ZNF414: variants seen among roughly 807,000 people sequenced by gnomAD.
ZNF414 encodes the protein zinc finger protein 414.
A neutral mutation model predicts 38.3 loss-of-function variants in ZNF414; 32 were observed. The observed-to-expected ratio is 0.83, with a 90% CI of 0.63 to 1.12. The LOEUF (loss-of-function observed/expected upper bound fraction) is 1.12. Among genes scored for constraint, ZNF414 ranks in the 50% most tolerant of loss-of-function variants. The pLI is 0.00. For synonymous variants in ZNF414, 256 were observed against 248.0 expected, an observed-to-expected ratio of 1.03 and a Z score of -0.30; for missense variants, 589 against 557.4, an observed-to-expected ratio of 1.06 and a Z score of -0.57.
chr19:8,511,976 G>A lies in ZNF414; in HGVS notation c.531-16C>T, dbSNP rs1316331573. ...GTTCTCACACCTGGAGGTGGGCAGA[G>A]GGCTGGGCTGGGCTGGGCCTCCAGG... is the stretch of plus-strand genomic sequence containing the variant. On this transcript the variant is annotated splice_polypyrimidine_tract_variant and intron_variant, in intron 4 of 7. Transcript: ENST00000393927. The A allele has an allele frequency of 2.8e-6, 4 of 1,407,044 alleles. No homozygotes were observed. The highest frequency in any genetic ancestry group is 2.9e-5 in the African/African-American group (2 of 69,096). 87.2% of individuals were successfully genotyped at this position (1,407,044 alleles called of 1,614,324 possible). A position where few individuals can be genotyped will look rare whatever the true frequency, so the allele number is the denominator to read the frequency against.
intron 6 of ZNF414, 151 bp downstream of exon 6, chr19:8,511,335 T>C (rs1971909931): frequency 6.9e-7 from 1 of 1,453,054 alleles, no homozygotes; most frequent in Non-Finnish European, 9.1e-7. Flanking sequence ...GTGCCAGTCA[T>C]TTTTAAGGCA....
Position 8,509,947 on chromosome 19 carries a change from AGTGCTGGGATTACAGGC to A in ZNF414, c.*727_*743del, listed in dbSNP as rs1971891094. On this transcript the variant is annotated 3_prime_UTR_variant, in exon 8 of 8. Coordinates refer to ENST00000393927, the MANE Select transcript of ZNF414 (RefSeq NM_001146175.2). ...TGCTCCACCTGCCCCAGCCTCCCAA[AGTGCTGGGATTACAGGC>A]GTGAGCCACTGTGCCCGGCCGGGAC... The A allele has an allele frequency of 1.3e-5, 2 of 151,784 alleles. No homozygotes were observed. The highest frequency in any genetic ancestry group is 4.8e-5 in the African/African-American group (2 of 41,414). The allele number at this position is 151,784 out of a possible 1,614,324, so 9.4% of individuals were successfully genotyped here. A position where few individuals can be genotyped will look rare whatever the true frequency, so the allele number is the denominator to read the frequency against.
At position 8,512,623 on chromosome 19, in the gene ZNF414, C is replaced by A; in HGVS notation, c.405G>T (p.Pro135=). The change falls in exon 3 of 8, where the codon CCG becomes CCT. Residue 135 remains proline (P), a synonymous_variant. Transcript: ENST00000393927. ...DLAQHLRTHC[P]PTQSLEGKLF... is the part of the protein sequence containing the mutation. ...CCCTACCTTCCAGGGACTGTGTGGG[C>A]GGGCAGTGGGTTCGCAGATGCTGTG... is the stretch of plus-strand genomic sequence containing the variant. 2 of 1,591,426 alleles carry A rather than the reference C, an allele frequency of 1.3e-6. No individual in the cohort carries two copies. The highest frequency in any genetic ancestry group is 1.1e-5 in the South Asian group (1 of 88,308).
In ZNF414 at chr19:8,510,342, A is replaced by G. The variant is rs1334423953; in HGVS notation, c.*349T>C. On this transcript the variant is annotated 3_prime_UTR_variant, in exon 8 of 8. Transcript: ENST00000393927. ...AAAAAAAGAAAACTGGAGAGTCCCC[A>G]TCCCATTTGGTTTCTGGACAAGGGA... 1 of 217,672 alleles carries G rather than the reference A, an allele frequency of 4.6e-6. No individual in the cohort carries two copies. The highest frequency in any genetic ancestry group is 2.3e-5 in the African/African-American group (1 of 42,930). 13.5% of individuals were successfully genotyped at this position (217,672 alleles called of 1,614,324 possible).
chr19:8,513,614 C>T (rs2910444), intron 1 of ZNF414, among the ~76,000 whole-genome samples: 30,733 of 152,016 alleles, frequency 0.2, 3,423 homozygotes, highest in African/African-American at 0.29. Context: ...CTTATGCATA[C>T]GGGAGAAACA....
At chr19:8,513,993 C>T (rs1410544504) in intron 1 of ZNF414, 51 bp downstream of exon 1, 1 of 1,414,254 alleles carries the variant, frequency 7.1e-7, no homozygotes, top group Non-Finnish European at 9.2e-7. Context: ...GGGCCGCTCC[C>T]CGCCAGTCCC....
Position 8,510,742 on chromosome 19 carries a change from CT to C in ZNF414, c.1121del (p.Lys374ArgfsTer77). The C allele has an allele frequency of 3.2e-6, 5 of 1,549,908 alleles. No homozygotes were observed. Among genetic ancestry groups the C allele is most frequent in the Non-Finnish European group, 4.4e-6 (5 of 1,146,052 alleles). ...APADPAPLAP[K>X]VSPLLSEGEL... The stretch of plus-strand genomic sequence containing the variant: ...CCCCCTCTGACAGCAGCGGCGACAC[CT>C]TGGGTGCAAGCGGGGCCGGATCTGG... On this transcript the variant is annotated frameshift_variant, in exon 8 of 8. Transcript: ENST00000393927. LOFTEE classifies it high-confidence loss of function.
intron 4 of ZNF414, 103 bp downstream of exon 4, chr19:8,512,284 A>G (rs1033408532): frequency 6.6e-7 from 1 of 1,505,950 alleles, no homozygotes; most frequent in Non-Finnish European, 9.1e-7. Context: ...CACCCACATC[A>G]AGTCCCGCCC....
intron 1 of ZNF414, among the ~76,000 whole-genome samples, chr19:8,513,834 T>TGTA (rs1342711218): frequency 6.6e-6 from 1 of 152,022 alleles, no homozygotes; most frequent in Non-Finnish European, 1.5e-5. Flanking sequence ...GGGGCCCGGA[T>TGTA]GTAAGAAGTT....
Position 8,510,590 on chromosome 19 carries a change from T to C in ZNF414, c.*101A>G. On this transcript the variant is annotated 3_prime_UTR_variant, in exon 8 of 8. Coordinates refer to ENST00000393927, the MANE Select transcript of ZNF414 (RefSeq NM_001146175.2). ...TGGGAACACAGCATAGGCTGGCTCATGGCGCCTTCTTTATTGTCCACCCCA... is the reference window on the plus strand; with the variant it reads ...TGGGAACACAGCATAGGCTGGCTCACGGCGCCTTCTTTATTGTCCACCCCA... The C allele has an allele frequency of 2.3e-6, 3 of 1,331,822 alleles. No homozygotes were observed. The highest frequency in any genetic ancestry group is 3.1e-6 in the Non-Finnish European group (3 of 976,454). 82.5% of individuals were successfully genotyped at this position (1,331,822 alleles called of 1,614,324 possible). A position where few individuals can be genotyped will look rare whatever the true frequency, so the allele number is the denominator to read the frequency against.
At chr19:8,511,186 G>C in intron 6 of ZNF414, 162 bp from the exon 7 acceptor site, 2 of 1,316,286 alleles carry the variant, frequency 1.5e-6, no homozygotes, top group Non-Finnish European at 9.7e-7. Flanking sequence ...TGCCCCTAGA[G>C]TTGGGGGCAC....
chr19:8,512,603 C>T lies in ZNF414; in HGVS notation c.424+1G>A. On this transcript the variant is annotated splice_donor_variant, in intron 3 of 7. Transcript: ENST00000393927. LOFTEE classifies it high-confidence loss of function. ...CTCCCCATTACCAGTCCTGGCCCTA[C>T]CTTCCAGGGACTGTGTGGGCGGGCA... 1 of 1,590,870 alleles carries T rather than the reference C, an allele frequency of 6.3e-7. No homozygotes were observed. The highest frequency in any genetic ancestry group is 2.2e-5 in the East Asian group (1 of 44,482).
At chr19:8,512,309 C>T (rs1971929209) in intron 4 of ZNF414, 78 bp downstream of exon 4, 1 of 1,571,950 alleles carries the variant, frequency 6.4e-7, no homozygotes, top group Non-Finnish European at 8.7e-7. Context: ...ACACCCTGAC[C>T]AGGAAGGGAG....
Position 8,511,934 on chromosome 19 carries a change from C to A in ZNF414, c.557G>T (p.Arg186Leu), listed in dbSNP as rs766467703. The A allele has an allele frequency of 7.0e-7, 1 of 1,420,912 alleles. No homozygotes were observed. Among genetic ancestry groups the A allele is most frequent in the East Asian group, 2.6e-5 (1 of 38,434 alleles). The allele number at this position is 1,420,912 out of a possible 1,614,324, so 88.0% of individuals were successfully genotyped here. ...GTGCTTGAAGAGCGAGCGGTGCGTG[C>A]GGAAGCGCAGGAGGCAGTTCTCACA... ...FKCENCLLRF[R>L]THRSLFKHLH... Residue 186 changes from arginine (R) to leucine (L), a missense_variant, in exon 5 of 8, where the codon CGC becomes CTC. Coordinates refer to ENST00000393927, the MANE Select transcript of ZNF414 (RefSeq NM_001146175.2).
chr19:8,512,906 CG>C, intron 2 of ZNF414, 122 bp downstream of exon 2: 8 of 1,303,188 alleles, frequency 6.1e-6, no homozygotes, highest in Non-Finnish European at 8.1e-6. Flanking sequence ...TGGCATCCAC[CG>C]GCTGCTCCGT....
At chr19:8,512,358 G>C (rs114656046) in intron 4 of ZNF414, 29 bp downstream of exon 4, 6 of 1,611,164 alleles carry the variant, frequency 3.7e-6, no homozygotes, top group Admixed American at 1.7e-5. Flanking sequence ...GGCTAGGGCA[G>C]GGCGGAGCTC....
rs752546842 is a variant in ZNF414 at position 8,511,736 on chromosome 19, G to A, written c.755C>T (p.Pro252Leu). ...FTTPAPAPTG[P>L]FLPYLNPAPF... is the part of the protein sequence containing the mutation. ...CGCAGGGTTCAAGTAGGGCAGGAAC[G>A]GTCCGGTGGGGGCAGGGGCGGGGGT... Residue 252 changes from proline (P) to leucine (L), a missense_variant, in exon 5 of 8, where the codon CCG becomes CTG. Coordinates refer to ENST00000393927, the MANE Select transcript of ZNF414 (RefSeq NM_001146175.2). 2.0e-6 allele frequency: 3 copies of A among 1,464,646 alleles called. No homozygotes were observed. The highest frequency in any genetic ancestry group is 1.4e-5 in the South Asian group (1 of 70,814). The allele number at this position is 1,464,646 out of a possible 1,614,324, so 90.7% of individuals were successfully genotyped here. A position where few individuals can be genotyped will look rare whatever the true frequency, so the allele number is the denominator to read the frequency against.
rs766574546 is a variant in ZNF414 at position 8,513,359 on chromosome 19, C to A, written c.4-18G>T. The A allele has an allele frequency of 9.6e-6, 15 of 1,555,458 alleles. No individual in the cohort carries two copies. In the Admixed American group the frequency reaches 2.9e-4, roughly 30 times the overall value. On this transcript the variant is annotated intron_variant, in intron 1 of 7. Transcript: ENST00000393927. ...TTCTCCTCCTGGTGGAAGGAAGAGG[C>A]GGAGAGAACCCTTCTGGGCTCTGGG...
rs1050253282 is a variant in ZNF414 at position 8,511,742 on chromosome 19, G to C, written c.749C>G (p.Thr250Ser). Residue 250 changes from threonine (T) to serine (S), a missense_variant, in exon 5 of 8, where the codon ACC (threonine) becomes AGC (serine). Thr to Ser is a moderately conservative substitution (Grantham distance 58, BLOSUM62 1). Coordinates refer to ENST00000393927, the MANE Select transcript of ZNF414 (RefSeq NM_001146175.2). ...EPFTTPAPAPTGPFLPYLNPA... is the reference protein window; with the variant it reads ...EPFTTPAPAPSGPFLPYLNPA... ...GTTCAAGTAGGGCAGGAACGGTCCG[G>C]TGGGGGCAGGGGCGGGGGTCGTGAA... 49 of 1,462,442 alleles carry C rather than the reference G, an allele frequency of 3.4e-5. No homozygotes were observed. Among genetic ancestry groups the C allele is most frequent in the Non-Finnish European group, 4.3e-5 (48 of 1,114,248 alleles). 90.6% of individuals were successfully genotyped at this position (1,462,442 alleles called of 1,614,324 possible). A position where few individuals can be genotyped will look rare whatever the true frequency, so the allele number is the denominator to read the frequency against.
Sources: allele counts gnomAD v4.1 joint callset (sites outside exome capture counted in the v4.1 genomes callset), GRCh38; gene constraint gnomAD v4.1.1; transcripts MANE v1.5; gene names NCBI Gene and HGNC (gene_info 2026-07-23, HGNC 2026-07-21).